Variants in GLDC observed in about 807,000 individuals in gnomAD.
The protein encoded by GLDC is glycine dehydrogenase (decarboxylating), mitochondrial.
A neutral mutation model predicts 121.3 loss-of-function variants in GLDC; 104 were observed. The observed-to-expected ratio is 0.86, with a 90% CI of 0.73 to 1.01. The LOEUF is 1.01. Among genes scored for constraint, GLDC ranks in the 50% least tolerant of loss-of-function variants. The probability of loss-of-function intolerance (pLI) is 0.00; values close to 1 mark genes in which losing one functional copy is unlikely to be tolerated. For synonymous variants in GLDC, 546 were observed against 480.6 expected (o/e 1.14, Z -1.78); for missense variants, 1,429 against 1,306.6 (o/e 1.09, Z -1.44).
chr9:6,605,665 C>T (rs1818715335), intron 5 of GLDC, among the ~76,000 whole-genome samples: 1 of 152,216 alleles, frequency 6.6e-6, no homozygotes, highest in Non-Finnish European at 1.5e-5. Context: ...GGAGGAAGAA[C>T]TTCCTTAGAT....
chr9:6,569,759 T>C (rs1054618453), intron 15 of GLDC, among the ~76,000 whole-genome samples: 1 of 151,966 alleles, frequency 6.6e-6, no homozygotes, highest in Non-Finnish European at 1.5e-5. Context: ...GCGGATTACC[T>C]GCAGTTAGAA....
intron 7 of GLDC, among the ~76,000 whole-genome samples, chr9:6,603,663 T>A (rs1488930214): frequency 2.6e-5 from 4 of 152,142 alleles, no homozygotes; most frequent in Admixed American, 1.3e-4. Flanking sequence ...AACATAATTT[T>A]TTTTTCTAAA....
intron 21 of GLDC, among the ~76,000 whole-genome samples, chr9:6,548,380 G>C (rs775270900): frequency 6.6e-6 from 1 of 152,108 alleles, no homozygotes; most frequent in Non-Finnish European, 1.5e-5. Context: ...AGCTAAGCTA[G>C]ATTTGAATTA....
chr9:6,642,090 C>A (rs1206673290), intron 2 of GLDC, among the ~76,000 whole-genome samples: 2 of 152,208 alleles, frequency 1.3e-5, no homozygotes, highest in Non-Finnish European at 2.9e-5. Context: ...CCAACACCCC[C>A]AGCTCACTAT....
chr9:6,534,357 C>A (rs1249720898), intron 24 of GLDC, among the ~76,000 whole-genome samples: 1 of 149,864 alleles, frequency 6.7e-6, no homozygotes, highest in Non-Finnish European at 1.5e-5. Context: ...CTCACTCAAA[C>A]AGACTACACA....
chr9:6,618,003 C>A (rs1194845724), intron 3 of GLDC, among the ~76,000 whole-genome samples: 1 of 152,118 alleles, frequency 6.6e-6, no homozygotes, highest in Non-Finnish European at 1.5e-5. Context: ...GCAGAGGCAA[C>A]CACTTACTCT....
At position 6,589,222 on chromosome 9, in the gene GLDC, G is replaced by C. The variant is rs761064507; in HGVS notation, c.1553C>G (p.Pro518Arg). ...GTTGAACACTTGATGGGTGAGGAAC[G>C]GGCTGGTCCTCTTGAACACAGACCC... ...IPGSVFKRTS[P>R]FLTHQVFNSY... The change falls in exon 12 of 25, where the codon CCG becomes CGG. Residue 518 changes from proline (P) to arginine (R), a missense_variant. Transcript: ENST00000321612. The C allele has an allele frequency of 3.0e-5, 48 of 1,604,916 alleles. No individual in the cohort carries two copies. The South Asian group carries it at 5.2e-4, about 17-fold the overall frequency.
At chr9:6,629,945 G>GTGTATATATATATA (rs1554650761) in intron 2 of GLDC, among the ~76,000 whole-genome samples, 7 of 46,826 alleles carry the variant, frequency 1.5e-4, no homozygotes, top group South Asian at 1.4e-3. Context: ...ATATATATAT[G>GTGTATATATATATA]TATATATATA....
At chr9:6,561,134 A>T (rs889961140) in intron 16 of GLDC, among the ~76,000 whole-genome samples, 7 of 152,210 alleles carry the variant, frequency 4.6e-5, no homozygotes, top group East Asian at 1.9e-4. Flanking sequence ...AACTATAAGA[A>T]AATTAATGTG....
intron 3 of GLDC, among the ~76,000 whole-genome samples, chr9:6,619,359 T>G (rs1010202128): frequency 6.6e-6 from 1 of 150,758 alleles, no homozygotes; most frequent in Non-Finnish European, 1.5e-5. Context: ...CCATGTCTTT[T>G]TGTCAGTCAG....
intron 8 of GLDC, 34 bp from the exon 9 acceptor site, chr9:6,595,153 T>G: frequency 3.8e-6 from 5 of 1,324,288 alleles, no homozygotes; most frequent in Non-Finnish European, 5.5e-6. Context: ...AATCACGTGA[T>G]GGAGGACAAT....
chr9:6,604,030 T>C (rs1283884656), intron 7 of GLDC, among the ~76,000 whole-genome samples: 1 of 152,040 alleles, frequency 6.6e-6, no homozygotes, highest in Non-Finnish European at 1.5e-5. Flanking sequence ...ACCCAGCCCT[T>C]TTTTTCTTTT....
chr9:6,634,557 A>C (rs1819460752), intron 2 of GLDC, among the ~76,000 whole-genome samples: 1 of 99,384 alleles, frequency 1.0e-5, no homozygotes, highest in Non-Finnish European at 1.9e-5. Flanking sequence ...ACAAACAAAA[A>C]ACAAAAAAAA....
intron 15 of GLDC, among the ~76,000 whole-genome samples, chr9:6,571,599 G>C (rs552509496): frequency 3.9e-4 from 59 of 152,262 alleles, no homozygotes; most frequent in African/African-American, 1.3e-3. Flanking sequence ...GTGACTGATG[G>C]GTGGGTAGCA....
intron 2 of GLDC, among the ~76,000 whole-genome samples, chr9:6,629,958 T>TATATATATATATGTATACATATA: frequency 3.8e-5 from 3 of 78,676 alleles, no homozygotes; most frequent in Admixed American, 1.3e-4. Context: ...TATATATATA[T>TATATATATATATGTATACATATA]TTTTTTTTTT....
intron 15 of GLDC, chr9:6,567,169 C>G (rs1033985587): frequency 6.6e-6 from 1 of 152,156 alleles, no homozygotes; most frequent in African/African-American, 2.4e-5. Flanking sequence ...GAAAGAAAGC[C>G]TGTCTTACAA....
Position 6,571,891 on chromosome 9 carries a change from T to C in GLDC, c.1851-6462A>G, listed in dbSNP as rs575116169. On this transcript the variant is annotated intron_variant, in intron 15 of 24. Coordinates refer to ENST00000321612, the MANE Select transcript of GLDC (RefSeq NM_000170.3). The stretch of plus-strand genomic sequence containing the variant: ...TGGAATAGAATATAGAATCCAGAAA[T>C]AGATCCAAACAAATATACCCAACTA... Among the ~76,000 whole-genome samples the C allele has an allele frequency of 6.6e-5, 10 of 152,196 alleles. No homozygotes were observed. In the South Asian group the frequency reaches 2.1e-3, roughly 32 times the overall value.
chr9:6,601,458 C>T (rs147535078), intron 8 of GLDC, among the ~76,000 whole-genome samples: 163 of 152,270 alleles, frequency 1.1e-3, no homozygotes, highest in Middle Eastern at 0.01. Flanking sequence ...TCCTTTCTTA[C>T]GCTTTGCCTG....
chr9:6,629,613 A>G (rs1168036321), intron 2 of GLDC, among the ~76,000 whole-genome samples: 1 of 28,872 alleles, frequency 3.5e-5, no homozygotes, highest in Non-Finnish European at 5.4e-5. Flanking sequence ...ACAACTAAAC[A>G]CACACACACA....
Sources: gnomAD v4.1 joint callset for allele counts (sites outside exome capture counted in the v4.1 genomes callset) on GRCh38, gnomAD v4.1.1 for gene constraint, MANE v1.5 for transcripts, NCBI Gene and HGNC (gene_info 2026-07-23, HGNC 2026-07-21) for gene names.